The following HK1 variants were observed in gnomAD, a reference collection of about 807,000 sequenced individuals.
HK1 encodes the protein hexokinase 1.
HK1 carries 28 observed loss-of-function variants against 91.6 expected under a neutral mutation model. That is an observed-to-expected ratio of 0.31 (90% CI 0.23 to 0.42). The LOEUF (loss-of-function observed/expected upper bound fraction) is 0.42, where lower values mean the gene tolerates loss of function less well. Among genes scored for constraint, HK1 ranks in the 10% least tolerant of loss-of-function variants. The pLI, the probability that HK1 is intolerant of heterozygous loss-of-function variation, is 1.00. For missense variants in HK1, 770 were observed against 1,219.8 expected, an observed-to-expected ratio of 0.63 and a Z score of 5.49; for synonymous variants, 430 against 468.1, an observed-to-expected ratio of 0.92 and a Z score of 1.05.
intron 1 of HK1, among the ~76,000 whole-genome samples, chr10:69,323,445 TC>T (rs1847158038): frequency 7.0e-6 from 1 of 142,534 alleles, no homozygotes; most frequent in Admixed American, 7.3e-5. Context: ...AAAAGATTGA[TC>T]CCAAAACAGT....
intron 3 of HK1, among the ~76,000 whole-genome samples, chr10:69,294,353 C>T (rs1845447609): frequency 6.6e-6 from 1 of 152,164 alleles, no homozygotes. Context: ...CAGCTATCAT[C>T]AGGAAAAAAT....
In HK1 at chr10:69,401,000, A is replaced by T. The variant is rs1300671650; in HGVS notation, c.2619A>T (p.Arg873Ser). ...TLYKLHPHFS[R>S]IMHQTVKELS... ...TTCTCGTCCTTTTTAGCTTCTCCAGAATCATGCACCAGACGGTGAAGGAAC... is the reference window on the plus strand; with the variant it reads ...TTCTCGTCCTTTTTAGCTTCTCCAGTATCATGCACCAGACGGTGAAGGAAC... Residue 873 changes from arginine (R) to serine (S), a missense_variant, in exon 18 of 18, where the codon AGA becomes AGT. This residue lies in a region of HK1 where 78 missense variants were observed against 99.0 expected (regional missense o/e 0.79). Transcript: ENST00000359426. 19 of 1,614,098 alleles carry T rather than the reference A, an allele frequency of 1.2e-5. No individual in the cohort carries two copies. The highest frequency in any genetic ancestry group is 1.5e-5 in the Non-Finnish European group (18 of 1,180,046).
At chr10:69,383,549 G>T (rs766113945) in intron 10 of HK1, among the ~76,000 whole-genome samples, 1 of 152,222 alleles carries the variant, frequency 6.6e-6, no homozygotes, top group Non-Finnish European at 1.5e-5. Flanking sequence ...AAACAACCAC[G>T]CTTTATTATT....
intron 1 of HK1, among the ~76,000 whole-genome samples, chr10:69,330,215 C>T (rs1229057922): frequency 6.6e-6 from 1 of 152,210 alleles, no homozygotes; most frequent in Non-Finnish European, 1.5e-5. Flanking sequence ...AGGACCCTGT[C>T]TGGGTGGGTG....
At chr10:69,381,154 G>A (rs752919383) in intron 9 of HK1, among the ~76,000 whole-genome samples, 52 of 152,070 alleles carry the variant, frequency 3.4e-4, no homozygotes, top group Non-Finnish European at 7.2e-4. Flanking sequence ...GCTGGGTGTG[G>A]TGGTGTGCCT....
chr10:69,278,997 G>A (rs939336123), intron 1 of HK1, among the ~76,000 whole-genome samples: 1 of 152,198 alleles, frequency 6.6e-6, no homozygotes, highest in Non-Finnish European at 1.5e-5. Flanking sequence ...TTATTGTGGG[G>A]TGACTCTTCA....
chr10:69,400,887 C>T (rs1052743072), intron 17 of HK1, 104 bp from the exon 18 acceptor site: 15 of 1,228,600 alleles, frequency 1.2e-5, no homozygotes, highest in Middle Eastern at 1.9e-4. Flanking sequence ...AATCCTAAGT[C>T]GAATCATCAC....
chr10:69,393,849 C>A (rs1409950866), intron 15 of HK1, among the ~76,000 whole-genome samples: 2 of 152,108 alleles, frequency 1.3e-5, no homozygotes, highest in Non-Finnish European at 2.9e-5. Context: ...TTGAGACCAC[C>A]CTGGGCAACA....
chr10:69,319,390 G>T (rs1017625800), intron 1 of HK1, among the ~76,000 whole-genome samples: 2 of 152,254 alleles, frequency 1.3e-5, no homozygotes, highest in African/African-American at 4.8e-5. Flanking sequence ...GGAGATGCTG[G>T]GGAGGTGATC....
At chr10:69,390,594 C>T (rs1839854419) in intron 14 of HK1, among the ~76,000 whole-genome samples, 1 of 152,232 alleles carries the variant, frequency 6.6e-6, no homozygotes, top group African/African-American at 2.4e-5. Context: ...ACTGTACAGT[C>T]TTTGAACTCT....
At chr10:69,392,015 C>A in intron 14 of HK1, 110 bp from the exon 15 acceptor site, 2 of 1,026,486 alleles carry the variant, frequency 1.9e-6, no homozygotes, top group Non-Finnish European at 3.0e-6. Context: ...TTGTTCATCA[C>A]AAAAAACGTG....
At chr10:69,361,248 C>T (rs1183979439) in intron 3 of HK1, among the ~76,000 whole-genome samples, 1 of 152,230 alleles carries the variant, frequency 6.6e-6, no homozygotes, top group Non-Finnish European at 1.5e-5. Flanking sequence ...GCCACCAAAG[C>T]TGGGTGCATC....
At chr10:69,313,775 G>A (rs931385521), upstream of HK1, among the ~76,000 whole-genome samples, 29 of 152,170 alleles carry the variant, frequency 1.9e-4, no homozygotes, top group African/African-American at 7.0e-4. Flanking sequence ...GATTACAGGC[G>A]TGAGGCACCG....
rs1485833276 is a variant in HK1 at position 69,318,970 on chromosome 10, C to T, written c.23C>T (p.Ala8Val). 1.2e-6 allele frequency: 2 copies of T among 1,601,574 alleles called. No individual in the cohort carries two copies. Among genetic ancestry groups the T allele is most frequent in the African/African-American group, 2.7e-5 (2 of 74,588 alleles). Residue 8 changes from alanine (A) to valine (V), a missense_variant, in exon 1 of 18, where the codon GCC (alanine) becomes GTC (valine). This residue lies in a region of HK1 where 449 missense variants were observed against 665.1 expected (regional missense o/e 0.68). Transcript: ENST00000359426. Reference protein sequence around the residue: MIAAQLLAYYFTELKDDQ... With the variant: MIAAQLLVYYFTELKDDQ... ...AGCATGATCGCCGCGCAGCTCCTGG[C>T]CTATTACTTCACGGAGCTGAAGGAT... is the stretch of plus-strand genomic sequence containing the variant.
At chr10:69,294,689 C>G (rs1337236988) in intron 3 of HK1, among the ~76,000 whole-genome samples, 1 of 100,926 alleles carries the variant, frequency 9.9e-6, no homozygotes, top group Admixed American at 1.0e-4. Context: ...AATCCCATCT[C>G]TACTAAAAAT....
intron 1 of HK1, among the ~76,000 whole-genome samples, chr10:69,275,870 G>A (rs985730199): frequency 4.7e-5 from 7 of 150,046 alleles, no homozygotes; most frequent in East Asian, 3.9e-4. Context: ...CAGGTGGATC[G>A]CCTGAGGTCA....
intron 1 of HK1, among the ~76,000 whole-genome samples, chr10:69,280,197 C>T (rs533451855): frequency 3.3e-5 from 5 of 152,222 alleles, no homozygotes; most frequent in East Asian, 1.9e-4. Context: ...CTGTAAGCTC[C>T]GCCTCCTGGG....
At chr10:69,389,544 G>T in intron 14 of HK1, 1 of 515,684 alleles carries the variant, frequency 1.9e-6, no homozygotes. Context: ...GTCAAGAACT[G>T]AACTCTTCAG....
chr10:69,355,391 A>G (rs189043717), intron 2 of HK1, among the ~76,000 whole-genome samples: 200 of 152,382 alleles, frequency 1.3e-3, no homozygotes, highest in African/African-American at 4.5e-3. Context: ...AAGGAATTTC[A>G]CTGCCAATTT....
Sources: gnomAD v4.1 joint callset for allele counts (sites outside exome capture counted in the v4.1 genomes callset) on GRCh38, gnomAD v4.1.1 for gene constraint, gnomAD v4.1.1 regional missense constraint, MANE v1.5 for transcripts, NCBI Gene and HGNC (gene_info 2026-07-23, HGNC 2026-07-21) for gene names.